ZNF79: variants seen among roughly 807,000 people sequenced by gnomAD.
ZNF79 encodes zinc finger protein 79.
A neutral mutation model predicts 14.9 loss-of-function variants in ZNF79; 13 were observed. The ratio of observed to expected loss-of-function variants is 0.87; its 90% CI spans 0.57 to 1.38. ZNF79 has a LOEUF of 1.38. Among genes scored for constraint, ZNF79 ranks in the 40% most tolerant of loss-of-function variants. The pLI is 0.00. For synonymous variants in ZNF79, 223 were observed against 235.1 expected, an observed-to-expected ratio of 0.95 and a Z score of 0.47; for missense variants, 631 against 630.6, an observed-to-expected ratio of 1.00 and a Z score of -0.01.
In ZNF79 at chr9:127,435,228, G is replaced by A. The variant is rs772619024; in HGVS notation, c.232+12G>A. 1.9e-6 allele frequency: 3 copies of A among 1,578,176 alleles called. No individual in the cohort carries two copies. The highest frequency in any genetic ancestry group is 2.6e-6 in the Non-Finnish European group (3 of 1,168,030). On this transcript the variant is annotated intron_variant, in intron 3 of 4. Coordinates refer to ENST00000342483, the MANE Select transcript of ZNF79 (RefSeq NM_007135.3). The stretch of plus-strand genomic sequence containing the variant: ...CCTTGTCCTACTAGGTAAGGAAACT[G>A]TTTCTTTAAGATTTAGAATCACTCA...
intron 2 of ZNF79, among the ~76,000 whole-genome samples, chr9:127,431,596 T>G (rs1833863251): frequency 6.6e-6 from 1 of 152,144 alleles, no homozygotes; most frequent in Non-Finnish European, 1.5e-5. Flanking sequence ...AGGTCCCACT[T>G]GTCAGTTTTT....
In ZNF79 at chr9:127,445,128, CGA is replaced by C. The variant is rs773067232; in HGVS notation, c.1430_1431del (p.Glu477ValfsTer13). On this transcript the variant is annotated frameshift_variant, in exon 5 of 5. Transcript: ENST00000342483. LOFTEE classifies it high-confidence loss of function. Reference protein sequence around the residue: ...HTGVKPYECSECGKAFRCSSA... With the variant: ...HTGVKPYECSXCGKAFRCSSA... ...CAGGCGTGAAACCCTACGAATGCAGCGAGTGTGGGAAGGCCTTCCGGTGCAGC... is the reference window on the plus strand; with the variant it reads ...CAGGCGTGAAACCCTACGAATGCAGCGTGTGGGAAGGCCTTCCGGTGCAGC... 23 of 1,614,182 alleles carry C rather than the reference CGA, an allele frequency of 1.4e-5. No individual in the cohort carries two copies. Among genetic ancestry groups the C allele is most frequent in the Non-Finnish European group, 1.9e-5 (22 of 1,180,030 alleles).
rs761658837 is a variant in ZNF79, at chr9:127,435,963, A to G, written c.288A>G (p.Ala96=). The change falls in exon 4 of 5, where the codon GCA becomes GCG. Residue 96 remains alanine (A), a synonymous_variant. Coordinates refer to ENST00000342483, the MANE Select transcript of ZNF79 (RefSeq NM_007135.3). The part of the protein sequence containing the change: ...MNSQLEQREG[A]WMLEGEDLRS... ...CCCAGTTGGAACAAAGGGAAGGCGC[A>G]TGGATGCTGGAGGGCGAAGACCTGC... 4 of 1,614,258 alleles carry G rather than the reference A, an allele frequency of 2.5e-6. No individual in the cohort carries two copies. Among genetic ancestry groups the G allele is most frequent in the Non-Finnish European group, 2.5e-6 (3 of 1,180,046 alleles).
intron 4 of ZNF79, among the ~76,000 whole-genome samples, chr9:127,442,427 G>C (rs992205739): frequency 4.6e-5 from 7 of 151,758 alleles, no homozygotes; most frequent in African/African-American, 1.7e-4. Flanking sequence ...AAAAGAAAAG[G>C]TATGGTAAAA....
Position 127,435,175 on chromosome 9 carries a change from A to T in ZNF79, c.191A>T (p.Lys64Met). ...GTGTCTACTCCACGGGACAGGTTCA[A>T]GGAGGGGATACCAGGAAAGTCCAGG... ...CLVSTPRDRF[K>M]EGIPGKSRSL... The change falls in exon 3 of 5, where the codon AAG (lysine) becomes ATG (methionine). Residue 64 changes from lysine (K) to methionine (M), a missense_variant. Coordinates refer to ENST00000342483, the MANE Select transcript of ZNF79 (RefSeq NM_007135.3). 6.2e-7 allele frequency: 1 copy of T among 1,612,756 alleles called. No individual in the cohort carries two copies.
At chr9:127,440,818 T>C (rs571685681) in intron 4 of ZNF79, among the ~76,000 whole-genome samples, 4 of 152,156 alleles carry the variant, frequency 2.6e-5, no homozygotes, top group Non-Finnish European at 5.9e-5. Flanking sequence ...GTGGATTGGA[T>C]GTGAGATGTA....
At chr9:127,434,632 A>G (rs577341551) in intron 2 of ZNF79, among the ~76,000 whole-genome samples, 8 of 152,246 alleles carry the variant, frequency 5.3e-5, no homozygotes, top group African/African-American at 1.4e-4. Flanking sequence ...AGGCACTGCA[A>G]TGCTGGTGAT....
At chr9:127,437,534 T>C (rs1442558522) in intron 4 of ZNF79, among the ~76,000 whole-genome samples, 1 of 151,510 alleles carries the variant, frequency 6.6e-6, no homozygotes, top group African/African-American at 2.4e-5. Flanking sequence ...TTTTTGGGGC[T>C]CTCATAAGAA....
rs776177589 is a variant in ZNF79, at chr9:127,435,235, T to C, written c.232+19T>C. 1 of 1,575,842 alleles carries C rather than the reference T, an allele frequency of 6.3e-7. No individual in the cohort carries two copies. The highest frequency in any genetic ancestry group is 2.0e-5 in the Admixed American group (1 of 49,636). On this transcript the variant is annotated intron_variant, in intron 3 of 4. Transcript: ENST00000342483. ...CTACTAGGTAAGGAAACTGTTTCTT[T>C]AAGATTTAGAATCACTCAATTCTGA...
chr9:127,429,241 C>T lies in ZNF79; in HGVS notation c.105+321C>T, dbSNP rs368030971. On this transcript the variant is annotated intron_variant, in intron 2 of 4. Coordinates refer to ENST00000342483, the MANE Select transcript of ZNF79 (RefSeq NM_007135.3). Reference sequence around the variant, plus strand: ...ATGTTGGCCAGGCTGGTCTCGAGGTCCTGACCTCAACTGATCTGCCCGACT... The same window carrying T: ...ATGTTGGCCAGGCTGGTCTCGAGGTTCTGACCTCAACTGATCTGCCCGACT... 9.1e-4 allele frequency among the ~76,000 whole-genome samples: 138 copies of T among 152,140 alleles called. 1 individual carries two copies. The highest frequency in any genetic ancestry group is 3.3e-3 in the African/African-American group (135 of 41,522).
chr9:127,427,253 T>TA (rs958176528), intron 1 of ZNF79, among the ~76,000 whole-genome samples: 153 of 112,018 alleles, frequency 1.4e-3, no homozygotes, highest in East Asian at 4.2e-3. Context: ...CCCCGTCTAC[T>TA]AAAAAAAAAA....
intron 3 of ZNF79, 65 bp downstream of exon 3, chr9:127,435,281 C>T (rs987892350): frequency 8.6e-6 from 13 of 1,514,142 alleles, no homozygotes; most frequent in African/African-American, 1.4e-5. Context: ...CACTTGCTTT[C>T]CAGCATGTAG....
intron 2 of ZNF79, among the ~76,000 whole-genome samples, chr9:127,431,593 A>G (rs1460815259): frequency 6.6e-6 from 1 of 152,120 alleles, no homozygotes; most frequent in African/African-American, 2.4e-5. Flanking sequence ...GTCAGGTCCC[A>G]CTTGTCAGTT....
At chr9:127,426,689 G>A (rs1351785514) in intron 1 of ZNF79, among the ~76,000 whole-genome samples, 2 of 152,204 alleles carry the variant, frequency 1.3e-5, no homozygotes, top group Admixed American at 1.3e-4. Flanking sequence ...GTTATAGCAT[G>A]CGTCAGTACT....
intron 2 of ZNF79, 65 bp downstream of exon 2, chr9:127,428,985 C>T: frequency 8.9e-7 from 1 of 1,120,178 alleles, no homozygotes; most frequent in Non-Finnish European, 1.2e-6. Context: ...GGTAGGGTTG[C>T]CTTGTTTTTT....
Position 127,428,498 on chromosome 9 carries a change from T to G in ZNF79, c.17-334T>G, listed in dbSNP as rs148747659. The G allele has an allele frequency of 1.9e-3, 390 of 204,314 alleles. 4 individuals are homozygous for G. In the East Asian group the frequency reaches 0.038, roughly 20 times the overall value. 12.7% of individuals were successfully genotyped at this position (204,314 alleles called of 1,614,324 possible). On this transcript the variant is annotated intron_variant, in intron 1 of 4. Transcript: ENST00000342483. Reference sequence around the variant, plus strand: ...CCGACTGCTTTATCTGTATGTTCCTTTAATCTTCACAGCAGATTATCCCTT... The same window carrying G: ...CCGACTGCTTTATCTGTATGTTCCTGTAATCTTCACAGCAGATTATCCCTT...
rs776259219 is a variant in ZNF79 at position 127,444,704 on chromosome 9, G to A, written c.1004G>A (p.Cys335Tyr). The change falls in exon 5 of 5, where the codon TGC becomes TAC. Residue 335 changes from cysteine to tyrosine, a missense_variant. Cys to Tyr is a radical substitution (Grantham distance 194). Transcript: ENST00000342483. Reference protein sequence around the residue: ...RTHTGEKPYKCSECGKAFSYC... With the variant: ...RTHTGEKPYKYSECGKAFSYC... ...CACACCGGGGAGAAGCCCTACAAGT[G>A]CAGCGAGTGTGGGAAGGCCTTCAGT... 5 of 1,613,956 alleles carry A rather than the reference G, an allele frequency of 3.1e-6. No homozygotes were observed. The East Asian group carries it at 1.1e-4, about 36-fold the overall frequency.
Position 127,424,725 on chromosome 9 carries a change from G to A in ZNF79, c.-63G>A. Reference sequence around the variant, plus strand: ...AGCCCTGCAGAACGGGGTGGGGGCTGCTGTAGATAGACCCTTACGCCCAGA... The same window carrying A: ...AGCCCTGCAGAACGGGGTGGGGGCTACTGTAGATAGACCCTTACGCCCAGA... On this transcript the variant is annotated 5_prime_UTR_variant, in exon 1 of 5. Coordinates refer to ENST00000342483, the MANE Select transcript of ZNF79 (RefSeq NM_007135.3). The A allele has an allele frequency of 1.9e-6, 3 of 1,611,932 alleles. No individual in the cohort carries two copies. In the South Asian group the frequency reaches 3.3e-5, roughly 18 times the overall value.
chr9:127,444,453 C>T lies in ZNF79; in HGVS notation c.753C>T (p.Cys251=), dbSNP rs771319276. Residue 251 remains cysteine (C), a synonymous_variant, in exon 5 of 5, where the codon TGC becomes TGT. Transcript: ENST00000342483. ...ACACTGGAGAGAAGCCTTACAAGTG[C>T]AGTGAATGTGGAAGAGCCTTCAGCC... ...RIHTGEKPYK[C]SECGRAFSQN... is the part of the protein sequence containing the mutation. 3 of 1,609,844 alleles carry T rather than the reference C, an allele frequency of 1.9e-6. No individual in the cohort carries two copies. Among genetic ancestry groups the T allele is most frequent in the Admixed American group, 3.3e-5 (2 of 59,892 alleles).
Sources: allele counts gnomAD v4.1 joint callset (sites outside exome capture counted in the v4.1 genomes callset), GRCh38; gene constraint gnomAD v4.1.1; transcripts MANE v1.5; gene names NCBI Gene and HGNC (gene_info 2026-07-23, HGNC 2026-07-21).